Variants in THRAP3 observed in about 807,000 individuals in gnomAD.
THRAP3 encodes thyroid hormone receptor associated protein 3, also known as thyroid hormone receptor-associated protein 3.
Under a neutral mutation model 101.0 loss-of-function variants are expected in THRAP3, and 16 were observed. The observed-to-expected ratio is 0.16, with a 90% CI of 0.11 to 0.24. The LOEUF (loss-of-function observed/expected upper bound fraction) is 0.24. Among genes scored for constraint, THRAP3 ranks in the 10% least tolerant of loss-of-function variants. THRAP3 has a pLI of 1.00. For synonymous variants in THRAP3, 407 were observed against 422.6 expected (o/e 0.96, Z 0.45); for missense variants, 989 against 1,202.7 (o/e 0.82, Z 2.63).
At chr1:36,279,079 T>C (rs1177717486) in intron 2 of THRAP3, among the ~76,000 whole-genome samples, 2 of 152,168 alleles carry the variant, frequency 1.3e-5, no homozygotes, top group South Asian at 4.1e-4. Context: ...GTAAGCTTAA[T>C]ATGTGCAGAA....
the THRAP3 span, among the ~76,000 whole-genome samples, chr1:36,217,721 C>T: frequency 6.6e-6 from 1 of 152,076 alleles, no homozygotes; most frequent in Non-Finnish European, 1.5e-5. Context: ...CAATTAACAT[C>T]AGTTATGTTA....
upstream of THRAP3, among the ~76,000 whole-genome samples, chr1:36,222,291 A>G (rs1226416873): frequency 2.0e-5 from 3 of 152,212 alleles, no homozygotes; most frequent in Non-Finnish European, 4.4e-5. Context: ...ATGTAAACAT[A>G]CTATATAACT....
At chr1:36,231,534 T>C (rs1162927641) in intron 1 of THRAP3, among the ~76,000 whole-genome samples, 2 of 152,246 alleles carry the variant, frequency 1.3e-5, no homozygotes, top group Non-Finnish European at 2.9e-5. Context: ...AAGGTTATTC[T>C]ATTGTTTTTT....
chr1:36,248,712 A>T (rs1245354702), intron 1 of THRAP3, among the ~76,000 whole-genome samples: 1 of 151,634 alleles, frequency 6.6e-6, no homozygotes, highest in African/African-American at 2.4e-5. Flanking sequence ...ATTCTTATGT[A>T]TGTGAGGGCT....
At chr1:36,238,156 CAG>C (rs1445913941) in intron 1 of THRAP3, among the ~76,000 whole-genome samples, 1 of 152,058 alleles carries the variant, frequency 6.6e-6, no homozygotes, top group Non-Finnish European at 1.5e-5. Flanking sequence ...TTTGTAGAGA[CAG>C]GGTCTCGTTT....
intron 1 of THRAP3, among the ~76,000 whole-genome samples, chr1:36,256,614 A>G (rs1320007948): frequency 6.6e-6 from 1 of 152,174 alleles, no homozygotes; most frequent in Non-Finnish European, 1.5e-5. Flanking sequence ...AGCATGTATC[A>G]TTGCAGTTTG....
intron 2 of THRAP3, among the ~76,000 whole-genome samples, chr1:36,270,728 C>A (rs971198066): frequency 1.3e-5 from 2 of 151,724 alleles, no homozygotes; most frequent in African/African-American, 4.8e-5. Flanking sequence ...CAGGCATGCC[C>A]CACCACGCCT....
chr1:36,295,666 C>T (rs535100867), intron 8 of THRAP3, among the ~76,000 whole-genome samples: 5 of 151,732 alleles, frequency 3.3e-5, no homozygotes, highest in Non-Finnish European at 5.9e-5. Context: ...CTTCCCCTTC[C>T]TTTCCCTTTC....
chr1:36,239,563 G>A (rs184426734), intron 1 of THRAP3, among the ~76,000 whole-genome samples: 73 of 152,240 alleles, frequency 4.8e-4, no homozygotes, highest in African/African-American at 1.7e-3. Flanking sequence ...CACCTTACCT[G>A]GCCAAACTGG....
At chr1:36,302,451 T>C (rs1646041418) in intron 11 of THRAP3, among the ~76,000 whole-genome samples, 1 of 152,252 alleles carries the variant, frequency 6.6e-6, no homozygotes, top group African/African-American at 2.4e-5. Context: ...GCTTTGAGGC[T>C]ACTAGAGGAC....
At chr1:36,301,974 C>T (rs1203059562) in intron 11 of THRAP3, among the ~76,000 whole-genome samples, 2 of 152,206 alleles carry the variant, frequency 1.3e-5, no homozygotes, top group African/African-American at 4.8e-5. Flanking sequence ...TTTTACTGCT[C>T]ACCCACCACC....
chr1:36,284,399 T>G (rs1485059304), intron 3 of THRAP3, among the ~76,000 whole-genome samples: 1 of 152,234 alleles, frequency 6.6e-6, no homozygotes, highest in Non-Finnish European at 1.5e-5. Context: ...TATAATTGAT[T>G]GTAATCTGAC....
chr1:36,298,507 A>T (rs1645982526), intron 9 of THRAP3, among the ~76,000 whole-genome samples: 1 of 151,976 alleles, frequency 6.6e-6, no homozygotes, highest in South Asian at 2.1e-4. Flanking sequence ...TTTATTTTTT[A>T]TTTTTTTGGA....
chr1:36,230,058 G>A (rs765388888), intron 1 of THRAP3, among the ~76,000 whole-genome samples: 9 of 149,858 alleles, frequency 6.0e-5, no homozygotes, highest in Non-Finnish European at 1.3e-4. Flanking sequence ...GGGTTCAAGC[G>A]ATTGTCCTGC....
intron 4 of THRAP3, 150 bp from the exon 5 acceptor site, chr1:36,288,910 G>A (rs775440853): frequency 1.4e-4 from 181 of 1,290,672 alleles, no homozygotes; most frequent in Non-Finnish European, 1.7e-4. Flanking sequence ...AAATTATTAC[G>A]AAGTAACCGC....
chr1:36,267,644 C>G, intron 2 of THRAP3, among the ~76,000 whole-genome samples: 1 of 50,470 alleles, frequency 2.0e-5, no homozygotes, highest in East Asian at 1.7e-3. Context: ...TAGTAATAGT[C>G]AAACAGGAGG....
intron 4 of THRAP3, chr1:36,288,597 C>G (rs528308067): frequency 1.0e-6 from 1 of 985,436 alleles, no homozygotes; most frequent in African/African-American, 1.7e-5. Context: ...AATTTGAAGT[C>G]TCTTTTTAGA....
At chr1:36,278,105 C>T (rs1645685139) in intron 2 of THRAP3, among the ~76,000 whole-genome samples, 2 of 148,496 alleles carry the variant, frequency 1.3e-5, no homozygotes, top group Admixed American at 6.8e-5. Context: ...TGCCTTGTTG[C>T]CCAGGCTGGA....
the THRAP3 span, among the ~76,000 whole-genome samples, chr1:36,209,859 G>A: frequency 6.6e-6 from 1 of 152,166 alleles, no homozygotes; most frequent in Non-Finnish European, 1.5e-5. Context: ...CCACCCCAAA[G>A]GGGACATCCC....
Sources: allele counts gnomAD v4.1 joint callset (sites outside exome capture counted in the v4.1 genomes callset), GRCh38; gene constraint gnomAD v4.1.1; transcripts MANE v1.5; gene names NCBI Gene and HGNC (gene_info 2026-07-23, HGNC 2026-07-21).